Variants in WDR4 observed in about 807,000 individuals in gnomAD.
WDR4 encodes WDR4 tRNA N7-guanosine methyltransferase non-catalytic subunit, also known as tRNA (guanine-N(7)-)-methyltransferase non-catalytic subunit WDR4.
In WDR4, 47 loss-of-function variants were observed where a neutral mutation model predicts 48.6. That is an observed-to-expected ratio of 0.97 (90% CI 0.77 to 1.23). The LOEUF (loss-of-function observed/expected upper bound fraction) is 1.23. WDR4 is among the 50% of genes most tolerant of loss of function. The probability of loss-of-function intolerance (pLI) is 0.00; values close to 1 mark genes in which losing one functional copy is unlikely to be tolerated. For synonymous variants in WDR4, 268 were observed against 230.0 expected, an observed-to-expected ratio of 1.17 and a Z score of -1.49; for missense variants, 606 against 551.6, an observed-to-expected ratio of 1.10 and a Z score of -0.99.
At chr21:42,859,604 C>CCCCCCCCCCCCCATGGGCCAGGA in intron 6 of WDR4, 58 bp downstream of exon 6, 1 of 616,968 alleles carries the variant, frequency 1.6e-6, no homozygotes, top group Non-Finnish European at 2.6e-6. Flanking sequence ...GGCGCCCACC[C>CCCCCCCCCCCCCATGGGCCAGGA]CACCCTCCCT....
At chr21:42,860,523 C>T (rs1479137350) in intron 5 of WDR4, among the ~76,000 whole-genome samples, 3 of 152,348 alleles carry the variant, frequency 2.0e-5, no homozygotes, top group Middle Eastern at 3.4e-3. Flanking sequence ...TGGGGTGGCC[C>T]GTGAGCCTCA....
At chr21:42,892,247 C>A in the WDR4 span, among the ~76,000 whole-genome samples, 1 of 107,834 alleles carries the variant, frequency 9.3e-6, no homozygotes, top group Admixed American at 7.9e-5. Context: ...GAGCAAGACT[C>A]CGTCTCAAAA....
chr21:42,847,481 A>C (rs2057720851), downstream of WDR4, among the ~76,000 whole-genome samples: 2 of 152,190 alleles, frequency 1.3e-5, no homozygotes, highest in Admixed American at 1.3e-4. Flanking sequence ...CCAAGGCAGG[A>C]TGCTGAGGAA....
chr21:42,868,920 G>C (rs1381248850), intron 3 of WDR4, among the ~76,000 whole-genome samples: 4 of 152,244 alleles, frequency 2.6e-5, no homozygotes, highest in Non-Finnish European at 5.9e-5. Flanking sequence ...GAGGTACAAG[G>C]AAACACTAGC....
Position 42,855,799 on chromosome 21 carries a change from C to A in WDR4, c.628-19G>T. On this transcript the variant is annotated intron_variant, in intron 6 of 10. Coordinates refer to ENST00000398208, the MANE Select transcript of WDR4 (RefSeq NM_018669.6). ...TGCCGTCCTGCACAAACCAAACACA[C>A]AGGTTAGCACATGGTTGTGGGGCTT... The A allele has an allele frequency of 6.5e-7, 1 of 1,529,756 alleles. No homozygotes were observed. The highest frequency in any genetic ancestry group is 8.8e-7 in the Non-Finnish European group (1 of 1,131,790). The allele number at this position is 1,529,756 out of a possible 1,614,324, so 94.8% of individuals were successfully genotyped here.
At chr21:42,891,588 G>C in the WDR4 span, among the ~76,000 whole-genome samples, 1 of 151,888 alleles carries the variant, frequency 6.6e-6, no homozygotes. Context: ...ACTAAGCTGT[G>C]AATTATTAAG....
At chr21:42,881,119 G>C (rs1024560625), upstream of WDR4, among the ~76,000 whole-genome samples, 3 of 152,132 alleles carry the variant, frequency 2.0e-5, no homozygotes, top group African/African-American at 7.2e-5. Context: ...TGTTAGCCAG[G>C]ATGTTCTGGA....
At chr21:42,874,982 G>A (rs1226809481) in intron 2 of WDR4, among the ~76,000 whole-genome samples, 1 of 152,070 alleles carries the variant, frequency 6.6e-6, no homozygotes, top group Non-Finnish European at 1.5e-5. Flanking sequence ...TACGGCTCAG[G>A]AGGCATCACG....
chr21:42,864,719 G>T (rs993355821), intron 3 of WDR4, among the ~76,000 whole-genome samples: 1 of 152,174 alleles, frequency 6.6e-6, no homozygotes, highest in East Asian at 1.9e-4. Context: ...CCTCTCCTTC[G>T]CCAGGGCTCA....
chr21:42,878,466 T>C (rs1398685295), intron 1 of WDR4, among the ~76,000 whole-genome samples: 3 of 152,012 alleles, frequency 2.0e-5, no homozygotes, highest in Non-Finnish European at 4.4e-5. Flanking sequence ...CAAAATCATC[T>C]GGGATATGTG....
chr21:42,879,159 G>GC (rs1569340513), intron 1 of WDR4: 1 of 1,302,564 alleles, frequency 7.7e-7, no homozygotes, highest in African/African-American at 1.6e-5. Flanking sequence ...CCGCAGACCA[G>GC]CCATCTAGTG....
chr21:42,873,398 ATG>A (rs1379074985), intron 3 of WDR4, among the ~76,000 whole-genome samples, 151 bp downstream of exon 3: 4 of 147,588 alleles, frequency 2.7e-5, no homozygotes, highest in Non-Finnish European at 4.4e-5. Flanking sequence ...GCCAACACAC[ATG>A]TGGCACTGAA....
chr21:42,892,334 C>T, the WDR4 span, among the ~76,000 whole-genome samples: 583 of 151,790 alleles, frequency 3.8e-3, 4 homozygotes, highest in African/African-American at 0.013. Context: ...GATCCCTTCT[C>T]ATGATTATCC....
chr21:42,889,414 T>G, the WDR4 span, among the ~76,000 whole-genome samples: 1 of 152,168 alleles, frequency 6.6e-6, no homozygotes, highest in Admixed American at 6.6e-5. Flanking sequence ...CTCTACACAT[T>G]TCCTTGCTAG....
At chr21:42,868,024 A>T (rs2058287428) in intron 3 of WDR4, among the ~76,000 whole-genome samples, 1 of 152,192 alleles carries the variant, frequency 6.6e-6, no homozygotes, top group South Asian at 2.1e-4. Flanking sequence ...ATCTGCATCC[A>T]CCACGAGTCC....
At chr21:42,846,405 A>C (rs1377850127), downstream of WDR4, among the ~76,000 whole-genome samples, 1 of 152,188 alleles carries the variant, frequency 6.6e-6, no homozygotes, top group Non-Finnish European at 1.5e-5. Flanking sequence ...CAGTGCCTAG[A>C]AGGGAACATG....
upstream of WDR4, among the ~76,000 whole-genome samples, chr21:42,880,160 C>T (rs1421961246): frequency 6.6e-6 from 1 of 151,616 alleles, no homozygotes; most frequent in East Asian, 1.9e-4. Context: ...AAGATGTGGT[C>T]ATGGGTGAGG....
downstream of WDR4, among the ~76,000 whole-genome samples, chr21:42,848,655 G>A (rs532525585): frequency 1.8e-5 from 2 of 108,610 alleles, no homozygotes; most frequent in East Asian, 3.2e-4. Flanking sequence ...CACAGCGCAC[G>A]ATCACGCGGC....
intron 9 of WDR4, among the ~76,000 whole-genome samples, chr21:42,852,977 C>G (rs1258624881): frequency 6.6e-6 from 1 of 152,024 alleles, no homozygotes; most frequent in African/African-American, 2.4e-5. Flanking sequence ...GGTACCTACT[C>G]CACTCAACTC....
Sources: allele counts gnomAD v4.1 joint callset (sites outside exome capture counted in the v4.1 genomes callset), GRCh38; gene constraint gnomAD v4.1.1; transcripts MANE v1.5; gene names NCBI Gene and HGNC (gene_info 2026-07-23, HGNC 2026-07-21).